The following ACSS2 variants were observed in gnomAD, a reference collection of about 807,000 sequenced individuals.
The protein encoded by ACSS2 is acetyl-coenzyme A synthetase, cytoplasmic.
Under a neutral mutation model 90.6 loss-of-function variants are expected in ACSS2, and 58 were observed. The ratio of observed to expected loss-of-function variants is 0.64; its 90% CI spans 0.52 to 0.80. The LOEUF (loss-of-function observed/expected upper bound fraction) is 0.80. Ranked by LOEUF, ACSS2 falls within the 30% of genes least tolerant of loss-of-function variation. ACSS2 has a pLI of 0.00. For synonymous variants in ACSS2, 300 were observed against 330.9 expected, an observed-to-expected ratio of 0.91 and a Z score of 1.01; for missense variants, 759 against 912.0, an observed-to-expected ratio of 0.83 and a Z score of 2.16.
intron 2 of ACSS2, among the ~76,000 whole-genome samples, chr20:34,899,626 G>A (rs1344878387): frequency 2.0e-5 from 3 of 151,608 alleles, no homozygotes; most frequent in Non-Finnish European, 4.4e-5. Context: ...AGCAGCTGAG[G>A]TACAGGCACT....
chr20:34,908,429 G>T (rs899086026), intron 2 of ACSS2, among the ~76,000 whole-genome samples: 2 of 152,044 alleles, frequency 1.3e-5, no homozygotes, highest in African/African-American at 4.8e-5. Flanking sequence ...CTTTTCCCCA[G>T]AATACTCTTC....
At chr20:34,924,752 T>C (rs2081281054) in intron 14 of ACSS2, among the ~76,000 whole-genome samples, 1 of 151,732 alleles carries the variant, frequency 6.6e-6, no homozygotes, top group South Asian at 2.1e-4. Flanking sequence ...CAGGCTGGAG[T>C]GCGGTGGCAC....
In ACSS2 at chr20:34,923,447, C is replaced by A; in HGVS notation, c.1657+16C>A. ...ACAGGAGATGGTGAGCCTTAGCTAT[C>A]CCCCTCTTGCACCTCCCACTAAGAC... On this transcript the variant is annotated intron_variant, in intron 14 of 17. Transcript: ENST00000360596. The A allele has an allele frequency of 1.3e-6, 2 of 1,583,142 alleles. No homozygotes were observed. Among genetic ancestry groups the A allele is most frequent in the Non-Finnish European group, 1.7e-6 (2 of 1,152,344 alleles).
In ACSS2 at chr20:34,921,553, A is replaced by C; in HGVS notation, c.1420A>C (p.Met474Leu). The change falls in exon 12 of 18, where the codon ATG (methionine) becomes CTG (leucine). Residue 474 changes from methionine to leucine, a missense_variant. Met to Leu is a conservative substitution (Grantham distance 15, BLOSUM62 2). Transcript: ENST00000360596. ...TCTCTGACTTCCCCAGGGTGGCCAC[A>C]TGTTGACTCCCCTTCCTGGTGCCAC... Reference protein sequence around the residue: ...TFWQTETGGHMLTPLPGATPM... With the variant: ...TFWQTETGGHLLTPLPGATPM... 6.2e-7 allele frequency: 1 copy of C among 1,614,172 alleles called. No homozygotes were observed. Among genetic ancestry groups the C allele is most frequent in the South Asian group, 1.1e-5 (1 of 91,088 alleles).
At chr20:34,905,810 A>G (rs187287362) in intron 2 of ACSS2, among the ~76,000 whole-genome samples, 161 of 152,290 alleles carry the variant, frequency 1.1e-3, no homozygotes, top group African/African-American at 3.3e-3. Context: ...TGGAAAGGGA[A>G]CTATTTCTTA....
rs117137403 is a variant in ACSS2, at chr20:34,913,649, G to A, written c.571-104G>A. The stretch of plus-strand genomic sequence containing the variant: ...ATATTAGTTATTCAGTTTCTTCTAG[G>A]ACCCTGGCTTAGAGATCCTGAAAGT... On this transcript the variant is annotated intron_variant, in intron 4 of 17. Transcript: ENST00000360596. 4.7e-3 allele frequency: 6,181 copies of A among 1,302,152 alleles called. 26 individuals are homozygous for A. The highest frequency in any genetic ancestry group is 0.018 in the Middle Eastern group (96 of 5,406). 80.7% of individuals were successfully genotyped at this position (1,302,152 alleles called of 1,614,324 possible).
chr20:34,923,363 A>T lies in ACSS2; in HGVS notation c.1589A>T (p.Tyr530Phe), dbSNP rs1318697771. 1 of 1,614,062 alleles carries T rather than the reference A, an allele frequency of 6.2e-7. No individual in the cohort carries two copies. ...TGGCCAGGGATCATGCGCACAGTCT[A>T]TGGGAACCACGAACGCTTTGAGACA... ...QPWPGIMRTVYGNHERFETTY... is the reference protein window; with the variant it reads ...QPWPGIMRTVFGNHERFETTY... The change falls in exon 14 of 18, where the codon TAT becomes TTT. Residue 530 changes from tyrosine (Y) to phenylalanine (F), a missense_variant. Transcript: ENST00000360596.
chr20:34,919,245 G>C (rs1347747298), intron 7 of ACSS2, among the ~76,000 whole-genome samples, 190 bp from the exon 8 acceptor site: 1 of 152,064 alleles, frequency 6.6e-6, no homozygotes, highest in East Asian at 1.9e-4. Context: ...GGATGGCAGG[G>C]TGGTTGGAGT....
At chr20:34,894,017 A>AT (rs1399372191) in intron 2 of ACSS2, among the ~76,000 whole-genome samples, 1 of 152,120 alleles carries the variant, frequency 6.6e-6, no homozygotes, top group Non-Finnish European at 1.5e-5. Context: ...TCTAAGTGTG[A>AT]TTTTTTTGAC....
chr20:34,907,862 T>C (rs2080846690), intron 2 of ACSS2, among the ~76,000 whole-genome samples: 1 of 152,166 alleles, frequency 6.6e-6, no homozygotes, highest in East Asian at 1.9e-4. Flanking sequence ...CTAGGAGGGT[T>C]AAAGCCTACT....
At chr20:34,915,113 C>A in intron 7 of ACSS2, 1 of 1,211,060 alleles carries the variant, frequency 8.3e-7, no homozygotes. Context: ...GCTGGGAGGA[C>A]CAGTGAGAAG....
chr20:34,875,581 C>T (rs1341026395), upstream of ACSS2, among the ~76,000 whole-genome samples: 4 of 152,004 alleles, frequency 2.6e-5, no homozygotes, highest in Admixed American at 6.6e-5. Flanking sequence ...AAAACAAAAA[C>T]AACAACAAAA....
In ACSS2 at chr20:34,921,869, G is replaced by A. The variant is rs764178405; in HGVS notation, c.1548+3G>A. On this transcript the variant is annotated splice_donor_region_variant and intron_variant, in intron 13 of 17. Coordinates refer to ENST00000360596, the MANE Select transcript of ACSS2 (RefSeq NM_018677.4). ...AAGGTGAAGCTGAAGGTTATCTGGT[G>A]AGGCCCTGGCCCTTGGGAGTCTTTA... 1 of 1,613,250 alleles carries A rather than the reference G, an allele frequency of 6.2e-7. No homozygotes were observed. Among genetic ancestry groups the A allele is most frequent in the South Asian group, 1.1e-5 (1 of 90,968 alleles).
At chr20:34,876,890 C>T (rs1381438625) in intron 1 of ACSS2, 67 bp downstream of exon 1, 5 of 1,081,228 alleles carry the variant, frequency 4.6e-6, no homozygotes, top group Non-Finnish European at 5.9e-6. Flanking sequence ...CTGGGGGAGT[C>T]GGGGGCTCCC....
intron 2 of ACSS2, among the ~76,000 whole-genome samples, chr20:34,898,038 C>T (rs1168874946): frequency 2.6e-5 from 4 of 152,012 alleles, no homozygotes; most frequent in Admixed American, 6.6e-5. Context: ...TTCTGATGTT[C>T]GGATGTGTTC....
At chr20:34,876,851 G>T in intron 1 of ACSS2, 28 bp downstream of exon 1, 1 of 1,265,006 alleles carries the variant, frequency 7.9e-7, no homozygotes, top group Non-Finnish European at 1.0e-6. Flanking sequence ...CGGGCCTGGG[G>T]TGTCAGTGAG....
chr20:34,915,361 C>T, intron 7 of ACSS2: 1 of 1,354,720 alleles, frequency 7.4e-7, no homozygotes, highest in South Asian at 1.2e-5. Context: ...CCAGACCTAA[C>T]CTCCTTCCCC....
At chr20:34,880,179 C>T (rs1372989642) in intron 1 of ACSS2, among the ~76,000 whole-genome samples, 3 of 151,184 alleles carry the variant, frequency 2.0e-5, no homozygotes, top group Non-Finnish European at 2.9e-5. Flanking sequence ...CTTTACTAAT[C>T]ACTTTTTTTC....
intron 2 of ACSS2, among the ~76,000 whole-genome samples, chr20:34,903,789 C>T (rs1398000689): frequency 1.3e-5 from 2 of 149,912 alleles, no homozygotes; most frequent in African/African-American, 2.5e-5. Context: ...GTAGTCCCAA[C>T]TACTCTGGAG....
Sources: allele counts gnomAD v4.1 joint callset (sites outside exome capture counted in the v4.1 genomes callset), GRCh38; gene constraint gnomAD v4.1.1; transcripts MANE v1.5; gene names NCBI Gene and HGNC (gene_info 2026-07-23, HGNC 2026-07-21).